Variants in COPZ2 observed in about 807,000 individuals in gnomAD.
COPZ2 encodes coatomer subunit zeta-2.
Under a neutral mutation model 33.2 loss-of-function variants are expected in COPZ2, and 30 were observed. The observed-to-expected ratio is 0.90, with a 90% CI of 0.68 to 1.23. The LOEUF (loss-of-function observed/expected upper bound fraction) is 1.23. COPZ2 is among the 50% of genes most tolerant of loss of function. COPZ2 has a pLI of 0.00. For missense variants in COPZ2, 263 were observed against 262.4 expected (o/e 1.00, Z -0.02); for synonymous variants, 89 against 102.6 (o/e 0.87, Z 0.80).
At chr17:48,031,934 G>A in intron 6 of COPZ2, 1 of 592,464 alleles carries the variant, frequency 1.7e-6, no homozygotes, top group East Asian at 2.8e-5. Context: ...CATCAGGTTA[G>A]TCTCTTGTTT....
At chr17:48,034,497 A>T (rs1282110536) in intron 2 of COPZ2, among the ~76,000 whole-genome samples, 1 of 152,106 alleles carries the variant, frequency 6.6e-6, no homozygotes, top group East Asian at 1.9e-4. Flanking sequence ...TTCTTGGAGG[A>T]TCTTGTACAT....
At chr17:48,031,871 C>T in intron 6 of COPZ2, 1 of 472,560 alleles carries the variant, frequency 2.1e-6, no homozygotes, top group Non-Finnish European at 3.9e-6. Context: ...GCATTGGAGA[C>T]CAAACTGGAT....
Position 48,026,472 on chromosome 17 carries a change from G to T in COPZ2, c.589C>A (p.Leu197Ile). The T allele has an allele frequency of 6.2e-7, 1 of 1,610,246 alleles. No homozygotes were observed. The highest frequency in any genetic ancestry group is 8.5e-7 in the Non-Finnish European group (1 of 1,176,652). ...TTAATTTGTTCCTTGGCAGACTGAA[G>T]AACCTGGGGTGGGGTGGGGGAGGTT... ...GLTEQSVAQV[L>I]QSAKEQIKWS... The change falls in exon 9 of 9, where the codon CTT becomes ATT. Residue 197 changes from leucine (L) to isoleucine (I), a missense_variant. By Grantham distance (5) the Leu-to-Ile change is conservative. Transcript: ENST00000621465.
intron 6 of COPZ2, among the ~76,000 whole-genome samples, chr17:48,030,357 T>G (rs1388691404): frequency 2.0e-5 from 3 of 150,748 alleles, no homozygotes; most frequent in African/African-American, 7.3e-5. Flanking sequence ...AATTCCCTTT[T>G]GATAGACCCA....
chr17:48,031,017 T>C lies in COPZ2; in HGVS notation c.494+1139A>G, dbSNP rs185930925. 5.0e-4 allele frequency among the ~76,000 whole-genome samples: 76 copies of C among 152,360 alleles called. No individual in the cohort carries two copies. In the East Asian group the frequency reaches 0.012, roughly 24 times the overall value. ...ATAGAAACAGCATGGCCTCTGGAAC[T>C]ATTCACATGGTTTTAGATCTTGGCC... On this transcript the variant is annotated intron_variant, in intron 6 of 8. Transcript: ENST00000621465.
rs556795526 is a variant in COPZ2 at position 48,028,501 on chromosome 17, C to T, written c.556G>A (p.Gly186Ser). Residue 186 changes from glycine to serine, a missense_variant, in exon 8 of 9, where the codon GGC (glycine) becomes AGC (serine). Physicochemically the swap from Gly to Ser is moderately conservative, Grantham distance 56 (BLOSUM62 0). Coordinates refer to ENST00000621465, the MANE Select transcript of COPZ2 (RefSeq NM_016429.4). This position sits in a 1 kb window ranked among gnomAD's most constrained non-coding sequence, Gnocchi z 4.5. ...GCCACACTCTGTTCAGTCAAGCCGC[C>T]ATCATCTGCCTGTAAGGAAGCAGAG... ...IQKVNFRADDGGLTEQSVAQV... is the reference protein window; with the variant it reads ...IQKVNFRADDSGLTEQSVAQV... 1.8e-4 allele frequency: 286 copies of T among 1,608,520 alleles called. 9 individuals are homozygous for T. In the South Asian group the frequency reaches 2.9e-3, roughly 17 times the overall value.
chr17:48,034,043 TC>T (rs947157915), intron 2 of COPZ2, 99 bp from the exon 3 acceptor site: 8 of 793,108 alleles, frequency 1.0e-5, no homozygotes, highest in African/African-American at 1.7e-5. Context: ...GCAAGCGGGA[TC>T]CTGCTTCCCT....
rs1202220949 is a variant in COPZ2, at chr17:48,032,726, C to T, written c.376G>A (p.Val126Ile). ...AGAGACTCAAACAGGCAGGTGAGAA[C>T]AGACATGAGCATCAGCTGGGATGGG... ...SYENELMLMS[V>I]LTCLFESLNH... Residue 126 changes from valine to isoleucine, a missense_variant, in exon 5 of 9, where the codon GTT (valine) becomes ATT (isoleucine). Transcript: ENST00000621465. 1 of 1,593,318 alleles carries T rather than the reference C, an allele frequency of 6.3e-7. No individual in the cohort carries two copies. The highest frequency in any genetic ancestry group is 1.1e-5 in the South Asian group (1 of 87,286).
At chr17:48,039,573 C>A (rs1489896319), upstream of COPZ2, among the ~76,000 whole-genome samples, 1 of 151,984 alleles carries the variant, frequency 6.6e-6, no homozygotes, top group Non-Finnish European at 1.5e-5. Context: ...GTTGCCCAGG[C>A]TGGTCTTGAA....
intron 8 of COPZ2, among the ~76,000 whole-genome samples, chr17:48,026,768 G>T (rs1271718958): frequency 6.6e-6 from 1 of 152,266 alleles, no homozygotes; most frequent in African/African-American, 2.4e-5. Flanking sequence ...GTCATGCCAT[G>T]AGAGTTCCCG....
chr17:48,030,755 G>A (rs532103342), intron 6 of COPZ2, among the ~76,000 whole-genome samples: 4 of 152,320 alleles, frequency 2.6e-5, no homozygotes, highest in South Asian at 2.1e-4. Context: ...AGGCAGAGAC[G>A]GGAAGCTTGT....
intron 4 of COPZ2, 97 bp downstream of exon 4, chr17:48,033,114 T>A: frequency 2.4e-6 from 2 of 841,828 alleles, no homozygotes; most frequent in Non-Finnish European, 3.9e-6. Context: ...AGGGGTCCAA[T>A]GGTGAGCCTC....
chr17:48,040,433 ATT>A (rs758072776), upstream of COPZ2, among the ~76,000 whole-genome samples: 317 of 125,568 alleles, frequency 2.5e-3, 1 homozygote, highest in South Asian at 9.5e-3. Flanking sequence ...TTGGTGACAG[ATT>A]TTTTTTTTTT....
chr17:48,040,433 A>AT (rs758072776), upstream of COPZ2, among the ~76,000 whole-genome samples: 1,742 of 125,618 alleles, frequency 0.014, 16 homozygotes, highest in Middle Eastern at 0.041. Flanking sequence ...TTGGTGACAG[A>AT]TTTTTTTTTT....
chr17:48,039,628 T>C (rs1376599920), upstream of COPZ2, among the ~76,000 whole-genome samples: 2 of 152,156 alleles, frequency 1.3e-5, no homozygotes, highest in Non-Finnish European at 2.9e-5. Flanking sequence ...CCCAAAGTGT[T>C]GGGATACAGG....
the COPZ2 span, chr17:48,045,478 A>C: frequency 6.7e-6 from 1 of 148,982 alleles, no homozygotes; most frequent in South Asian, 2.1e-4. Context: ...AGCTTTTCCT[A>C]CCAGGGAAGC....
the COPZ2 span, among the ~76,000 whole-genome samples, chr17:48,044,655 G>C: frequency 6.6e-6 from 1 of 152,126 alleles, no homozygotes; most frequent in Admixed American, 6.5e-5. Context: ...TGTGGTAGTG[G>C]TGCATAGGAA....
upstream of COPZ2, among the ~76,000 whole-genome samples, chr17:48,041,857 C>T (rs2037065546): frequency 6.6e-6 from 1 of 150,750 alleles, no homozygotes; most frequent in Admixed American, 6.6e-5. Flanking sequence ...ACCAAAAAGC[C>T]TCCAGGAGCA....
At chr17:48,033,429 C>T (rs566830132) in intron 3 of COPZ2, 127 bp from the exon 4 acceptor site, 1 of 672,488 alleles carries the variant, frequency 1.5e-6, no homozygotes, top group Non-Finnish European at 2.7e-6. Context: ...TTGGAAAGAC[C>T]AGCACTAGGG....
Sources: allele counts gnomAD v4.1 joint callset (sites outside exome capture counted in the v4.1 genomes callset), GRCh38; gene constraint gnomAD v4.1.1; non-coding constraint Gnocchi (gnomAD v3.1); transcripts MANE v1.5; gene names NCBI Gene and HGNC (gene_info 2026-07-23, HGNC 2026-07-21).